PHEX: variants seen among roughly 807,000 people sequenced by gnomAD.
The protein encoded by PHEX is phosphate-regulating neutral endopeptidase PHEX.
Under a neutral mutation model 68.0 loss-of-function variants are expected in PHEX, and 16 were observed. That is an observed-to-expected ratio of 0.24 (90% CI 0.16 to 0.36). The LOEUF is 0.36. Ranked by LOEUF, PHEX falls within the 10% of genes least tolerant of loss-of-function variation. The pLI, the probability that PHEX is intolerant of heterozygous loss-of-function variation, is 1.00. For synonymous variants in PHEX, 208 were observed against 205.1 expected, an observed-to-expected ratio of 1.01 and a Z score of -0.12; for missense variants, 480 against 575.5, an observed-to-expected ratio of 0.83 and a Z score of 1.70.
intron 16 of PHEX, among the ~76,000 whole-genome samples, chrX:22,217,585 A>C (rs1316556248): frequency 2.7e-5 from 3 of 111,988 alleles, no homozygotes; most frequent in African/African-American, 9.7e-5. Context: ...ACTAACTGTG[A>C]GATATTTTTA....
intron 3 of PHEX, among the ~76,000 whole-genome samples, chrX:22,055,214 A>AAAAAAAC (rs1928042119): frequency 1.2e-5 from 1 of 82,356 alleles, no homozygotes; most frequent in Non-Finnish European, 2.3e-5. Flanking sequence ...AAAAAAAAAA[A>AAAAAAAC]ACAGACCTAG....
chrX:22,058,236 C>T (rs1928205468), intron 3 of PHEX, among the ~76,000 whole-genome samples: 1 of 111,578 alleles, frequency 9.0e-6, no homozygotes, highest in Non-Finnish European at 1.9e-5. Flanking sequence ...TGGCCATGGG[C>T]AAACTACTTC....
At chrX:22,056,564 C>T (rs1484323921) in intron 3 of PHEX, among the ~76,000 whole-genome samples, 1 of 109,578 alleles carries the variant, frequency 9.1e-6, no homozygotes, top group African/African-American at 3.3e-5. Context: ...ACTTTGGGAG[C>T]CTGAGGTGGG....
chrX:22,077,725 T>G (rs1310202579), intron 5 of PHEX, 23 bp downstream of exon 5: 2 of 1,121,214 alleles, frequency 1.8e-6, no homozygotes, highest in Non-Finnish European at 2.5e-6. Context: ...CCCATTCATC[T>G]TCTTTGCTCA....
intron 15 of PHEX, among the ~76,000 whole-genome samples, chrX:22,196,763 T>A (rs184389544): frequency 8.9e-6 from 1 of 112,331 alleles, no homozygotes; most frequent in African/African-American, 3.2e-5. Context: ...AAACCAATGA[T>A]TTTATTATCT....
intron 10 of PHEX, among the ~76,000 whole-genome samples, chrX:22,112,402 G>A (rs1055363627): frequency 3.7e-4 from 42 of 112,005 alleles, no homozygotes; most frequent in African/African-American, 1.9e-4. Flanking sequence ...ACTAGAGGCC[G>A]TAAGGATTTT....
At chrX:22,200,522 T>C (rs1413626980) in intron 15 of PHEX, among the ~76,000 whole-genome samples, 1 of 111,106 alleles carries the variant, frequency 9.0e-6, no homozygotes, top group Non-Finnish European at 1.9e-5. Flanking sequence ...GGCACGAGAA[T>C]CACTTGAACC....
intron 20 of PHEX, among the ~76,000 whole-genome samples, chrX:22,235,717 C>T (rs1408997134): frequency 5.4e-5 from 6 of 111,437 alleles, no homozygotes; most frequent in Admixed American, 2.8e-4. Flanking sequence ...CCATAGCATC[C>T]CCATTACCCT....
intron 12 of PHEX, among the ~76,000 whole-genome samples, chrX:22,154,953 C>T (rs988229857): frequency 4.4e-4 from 50 of 112,401 alleles, no homozygotes; most frequent in African/African-American, 1.4e-3. Flanking sequence ...GCTCCGTTGC[C>T]CAGGCTCGAG....
At chrX:22,084,347 C>T (rs1053468724) in intron 5 of PHEX, among the ~76,000 whole-genome samples, 2 of 111,049 alleles carry the variant, frequency 1.8e-5, no homozygotes, top group Non-Finnish European at 3.8e-5. Context: ...TAATCCCACT[C>T]AATCATAGTG....
At chrX:22,114,653 A>C in intron 11 of PHEX, 67 bp downstream of exon 11, 1 of 990,681 alleles carries the variant, frequency 1.0e-6, no homozygotes, top group Non-Finnish European at 1.4e-6. Context: ...GGGTATATTC[A>C]ACAGGCTAAT....
At chrX:22,055,228 T>A (rs1231038872) in intron 3 of PHEX, among the ~76,000 whole-genome samples, 1 of 53,133 alleles carries the variant, frequency 1.9e-5, no homozygotes, top group East Asian at 6.1e-4. Flanking sequence ...GACCTAGTGC[T>A]AGATATGAAA....
chrX:22,076,196 C>T (rs1929142759), intron 3 of PHEX, among the ~76,000 whole-genome samples, 192 bp from the exon 4 acceptor site: 1 of 112,341 alleles, frequency 8.9e-6, no homozygotes, highest in Middle Eastern at 4.2e-3. Flanking sequence ...GAATGTAAAA[C>T]TGTTTTTATT....
At chrX:22,123,720 C>A (rs889467486) in intron 11 of PHEX, among the ~76,000 whole-genome samples, 2 of 111,059 alleles carry the variant, frequency 1.8e-5, no homozygotes, top group Non-Finnish European at 3.8e-5. Flanking sequence ...CATGTTAGTG[C>A]CCTGGCCACA....
intron 15 of PHEX, among the ~76,000 whole-genome samples, chrX:22,193,298 A>C (rs752382974): frequency 9.0e-6 from 1 of 111,403 alleles, no homozygotes; most frequent in African/African-American, 3.3e-5. Flanking sequence ...AACATGTAAC[A>C]TTTTGGCACA....
chrX:22,227,710 CTT>C, intron 20 of PHEX, 99 bp downstream of exon 20: 1 of 564,908 alleles, frequency 1.8e-6, no homozygotes, highest in Non-Finnish European at 3.1e-6. Context: ...AATGGCATGA[CTT>C]TGATTTTCAG....
intron 11 of PHEX, among the ~76,000 whole-genome samples, chrX:22,124,998 A>G (rs1257988181): frequency 8.9e-6 from 1 of 111,992 alleles, no homozygotes; most frequent in Non-Finnish European, 1.9e-5. Context: ...TCCCACTTCA[A>G]TATAGGTCAC....
At chrX:22,245,513 A>T in intron 21 of PHEX, 104 bp downstream of exon 21, 2 of 599,060 alleles carry the variant, frequency 3.3e-6, no homozygotes, top group Non-Finnish European at 5.9e-6. Context: ...TCTGAAAAAA[A>T]TCCCACATTG....
intron 8 of PHEX, among the ~76,000 whole-genome samples, 194 bp from the exon 9 acceptor site, chrX:22,098,795 CAAAAAAAAAAAAAAAAA>C (rs746223770): frequency 1.1e-3 from 12 of 11,372 alleles, no homozygotes; most frequent in East Asian, 2.7e-3. Flanking sequence ...GAGAATGTCT[CAAAAAAAAAAAAAAAAA>C]AAAAAAAAAA....
Sources: allele counts gnomAD v4.1 joint callset (sites outside exome capture counted in the v4.1 genomes callset), GRCh38; gene constraint gnomAD v4.1.1; transcripts MANE v1.5; gene names NCBI Gene and HGNC (gene_info 2026-07-23, HGNC 2026-07-21).